The following TRAPPC11 variants were observed in gnomAD, a reference collection of about 807,000 sequenced individuals.
TRAPPC11 encodes the protein foie gras homolog.
Under a neutral mutation model 151.2 loss-of-function variants are expected in TRAPPC11, and 104 were observed. The observed-to-expected ratio is 0.69, with a 90% CI of 0.59 to 0.81. TRAPPC11 has a LOEUF of 0.81. TRAPPC11 is among the 30% of genes least tolerant of loss of function. TRAPPC11 has a pLI of 0.00. For synonymous variants in TRAPPC11, 456 were observed against 472.3 expected, an observed-to-expected ratio of 0.97 and a Z score of 0.45; for missense variants, 1,230 against 1,349.6, an observed-to-expected ratio of 0.91 and a Z score of 1.39.
chr4:183,663,039 C>G (rs1734638212), intron 1 of TRAPPC11, among the ~76,000 whole-genome samples: 1 of 151,876 alleles, frequency 6.6e-6, no homozygotes, highest in Admixed American at 6.6e-5. Context: ...ATACTCAAAG[C>G]CTTTTGCCTT....
chr4:183,697,589 C>G, intron 24 of TRAPPC11, 21 bp downstream of exon 24: 1 of 1,603,952 alleles, frequency 6.2e-7, no homozygotes, highest in South Asian at 1.1e-5. Flanking sequence ...TTGAGGCATA[C>G]TAGAAATCAT....
chr4:183,679,860 G>A (rs1380360495), intron 9 of TRAPPC11, among the ~76,000 whole-genome samples: 4 of 152,116 alleles, frequency 2.6e-5, no homozygotes, highest in African/African-American at 9.7e-5. Context: ...TATTTGAGTG[G>A]TAGGAACTAT....
chr4:183,686,865 C>G lies in TRAPPC11; in HGVS notation c.1893+117C>G, dbSNP rs917054056. The G allele has an allele frequency of 4.0e-6, 5 of 1,256,096 alleles. No homozygotes were observed. The African/African-American group carries it at 7.5e-5, about 19-fold the overall frequency. The allele number at this position is 1,256,096 out of a possible 1,614,324, so 77.8% of individuals were successfully genotyped here. A position where few individuals can be genotyped will look rare whatever the true frequency, so the allele number is the denominator to read the frequency against. ...TAATGGTTTCATAGTAACAAATGAA[C>G]TTTGGTAAGGTCTATTCAAAAATAT... On this transcript the variant is annotated intron_variant, in intron 18 of 29. Transcript: ENST00000334690.
chr4:183,666,251 T>G lies in TRAPPC11; in HGVS notation c.205-6T>G. On this transcript the variant is annotated splice_polypyrimidine_tract_variant and splice_region_variant and intron_variant, in intron 2 of 29. Transcript: ENST00000334690. ...GTAACTTTTCAATTTCTGCCAATGT[T>G]TGCAGAGAACTTCATATGAGTGGTA... 1 of 1,608,054 alleles carries G rather than the reference T, an allele frequency of 6.2e-7. No individual in the cohort carries two copies. The highest frequency in any genetic ancestry group is 8.5e-7 in the Non-Finnish European group (1 of 1,177,016).
At chr4:183,665,727 G>A (rs930024829) in intron 2 of TRAPPC11, among the ~76,000 whole-genome samples, 9 of 152,184 alleles carry the variant, frequency 5.9e-5, no homozygotes, top group African/African-American at 1.9e-4. Context: ...CCAGACTCAA[G>A]TGGCTGCTGT....
intron 23 of TRAPPC11, among the ~76,000 whole-genome samples, chr4:183,696,809 T>C (rs763568426): frequency 8.5e-5 from 13 of 152,238 alleles, no homozygotes; most frequent in Non-Finnish European, 1.5e-4. Context: ...TGTTTCCTTG[T>C]GTGATTATGA....
intron 23 of TRAPPC11, among the ~76,000 whole-genome samples, chr4:183,695,502 T>C (rs934259767): frequency 1.3e-5 from 2 of 152,248 alleles, no homozygotes; most frequent in Non-Finnish European, 2.9e-5. Context: ...GTGTTTCTTA[T>C]TGGTCTCTTT....
Position 183,679,367 on chromosome 4 carries a change from T to G in TRAPPC11, c.846T>G (p.Cys282Trp). The G allele has an allele frequency of 6.2e-7, 1 of 1,609,172 alleles. No individual in the cohort carries two copies. The highest frequency in any genetic ancestry group is 1.1e-5 in the South Asian group (1 of 89,886). ...GFINYKICRL[C>W]FQHNTPLDAI... ...ACATTTTGCAGATCTGTAGGCTGTG[T>G]TTTCAACACAACACCCCATTGGATG... is the stretch of plus-strand genomic sequence containing the variant. The change falls in exon 9 of 30, where the codon TGT (cysteine) becomes TGG (tryptophan). Residue 282 changes from cysteine to tryptophan, a missense_variant. Cys to Trp is a radical substitution (Grantham distance 215, BLOSUM62 -2). Transcript: ENST00000334690.
intron 11 of TRAPPC11, chr4:183,683,705 T>G (rs1735815455): frequency 2.3e-6 from 1 of 443,328 alleles, no homozygotes; most frequent in Non-Finnish European, 4.1e-6. Context: ...AAGTGTATCC[T>G]CTATAGAGGA....
chr4:183,664,769 T>C (rs1734756441), intron 2 of TRAPPC11, among the ~76,000 whole-genome samples: 1 of 152,162 alleles, frequency 6.6e-6, no homozygotes, highest in South Asian at 2.1e-4. Flanking sequence ...TGAGGTTGGT[T>C]TGAAAGTTAG....
rs375379302 is a variant in TRAPPC11, at chr4:183,683,987, C to A, written c.1220C>A (p.Ser407Tyr). 1.1e-4 allele frequency: 181 copies of A among 1,613,838 alleles called. No homozygotes were observed. Among genetic ancestry groups the A allele is most frequent in the Non-Finnish European group, 1.5e-4 (173 of 1,179,910 alleles). The change falls in exon 12 of 30, where the codon TCT (serine) becomes TAT (tyrosine). Residue 407 changes from serine to tyrosine, a missense_variant. Transcript: ENST00000334690. ...WRQGILSFDL[S>Y]DPEKEKVGIL... The stretch of plus-strand genomic sequence containing the variant: ...TCATCTTACGCAGGTTTTGATCTTT[C>A]TGATCCTGAAAAAGAAAAGGTGGGA...
chr4:183,693,827 A>T, intron 21 of TRAPPC11, 90 bp downstream of exon 21: 15 of 1,594,778 alleles, frequency 9.4e-6, no homozygotes, highest in Non-Finnish European at 1.3e-5. Flanking sequence ...TGTTTACAAG[A>T]GGGTATGGCA....
chr4:183,680,915 A>G (rs920046443), intron 10 of TRAPPC11, among the ~76,000 whole-genome samples: 1 of 150,578 alleles, frequency 6.6e-6, no homozygotes, highest in Non-Finnish European at 1.5e-5. Context: ...CTGGTCTCAA[A>G]CTCCTGATCT....
At chr4:183,689,951 CCAG>C (rs1561049720) in intron 18 of TRAPPC11, among the ~76,000 whole-genome samples, 3 of 151,974 alleles carry the variant, frequency 2.0e-5, no homozygotes, top group Non-Finnish European at 4.4e-5. Context: ...GCCTGTAATC[CCAG>C]CACTTTGGGA....
rs1394202061 is a variant in TRAPPC11 at position 183,684,288 on chromosome 4, CT to C, written c.1367-10del. On this transcript the variant is annotated splice_polypyrimidine_tract_variant and intron_variant, in intron 13 of 29. Coordinates refer to ENST00000334690, the MANE Select transcript of TRAPPC11 (RefSeq NM_021942.6). ...ATGACTTTAAGTTACATACATAAAT[CT>C]TTTTTTCCTTTATAGTGGTTCAGAT... 4 of 1,613,188 alleles carry C rather than the reference CT, an allele frequency of 2.5e-6. No homozygotes were observed. The highest frequency in any genetic ancestry group is 3.4e-6 in the Non-Finnish European group (4 of 1,179,254).
chr4:183,712,694 A>G lies in TRAPPC11; in HGVS notation c.*50A>G, dbSNP rs1249962975. On this transcript the variant is annotated 3_prime_UTR_variant, in exon 30 of 30. Coordinates refer to ENST00000334690, the MANE Select transcript of TRAPPC11 (RefSeq NM_021942.6). ...TGTTACAGAGATGTTGGGCAGAGCT[A>G]TGCAGGTGTTTCATTGTGAACTCTA... is the stretch of plus-strand genomic sequence containing the variant. 3.2e-6 allele frequency: 5 copies of G among 1,580,500 alleles called. No homozygotes were observed. Among genetic ancestry groups the G allele is most frequent in the African/African-American group, 2.7e-5 (2 of 74,208 alleles).
intron 29 of TRAPPC11, among the ~76,000 whole-genome samples, chr4:183,711,476 A>T (rs1322721107): frequency 6.6e-6 from 1 of 152,212 alleles, no homozygotes; most frequent in African/African-American, 2.4e-5. Flanking sequence ...TACATTTGGC[A>T]GGGATTTCAC....
intron 5 of TRAPPC11, among the ~76,000 whole-genome samples, chr4:183,673,706 A>G (rs1032485037): frequency 6.6e-6 from 1 of 152,184 alleles, no homozygotes; most frequent in African/African-American, 2.4e-5. Context: ...AAATAATGAA[A>G]TGAAATGAAA....
At position 183,684,218 on chromosome 4, in the gene TRAPPC11, A is replaced by C. The variant is rs748797085; in HGVS notation, c.1361A>C (p.His454Pro). The change falls in exon 13 of 30, where the codon CAC becomes CCC. Residue 454 changes from histidine to proline, a missense_variant. His to Pro is a moderately conservative substitution (Grantham distance 77). Coordinates refer to ENST00000334690, the MANE Select transcript of TRAPPC11 (RefSeq NM_021942.6). ...TATAAGTGCCCGCGAATGAAAAGTC[A>C]CCTAAGTATGTATCCACAAACGTCA... is the stretch of plus-strand genomic sequence containing the variant. The part of the protein sequence containing the change: ...KKYKCPRMKS[H>P]LMVQMGEEYY... The C allele has an allele frequency of 6.2e-7, 1 of 1,613,964 alleles. No individual in the cohort carries two copies. The highest frequency in any genetic ancestry group is 1.7e-5 in the Admixed American group (1 of 60,030).
Sources: allele counts gnomAD v4.1 joint callset (sites outside exome capture counted in the v4.1 genomes callset), GRCh38; gene constraint gnomAD v4.1.1; transcripts MANE v1.5; gene names NCBI Gene and HGNC (gene_info 2026-07-23, HGNC 2026-07-21).